The following UTS2 variants were observed in gnomAD, a reference collection of about 807,000 sequenced individuals.
UTS2 encodes the protein urotensin-2.
UTS2 carries 10 observed loss-of-function variants against 12.6 expected under a neutral mutation model. The observed-to-expected ratio is 0.80, with a 90% CI of 0.49 to 1.35. The LOEUF (loss-of-function observed/expected upper bound fraction) is 1.35, where lower values mean the gene tolerates loss of function less well. Among genes scored for constraint, UTS2 ranks in the 40% most tolerant of loss-of-function variants. The pLI is 0.00. For missense variants in UTS2, 142 were observed against 143.2 expected, an observed-to-expected ratio of 0.99 and a Z score of 0.04; for synonymous variants, 52 against 50.0, an observed-to-expected ratio of 1.04 and a Z score of -0.17.
At chr1:7,888,372 C>T in the UTS2 span, among the ~76,000 whole-genome samples, 1 of 152,174 alleles carries the variant, frequency 6.6e-6, no homozygotes, top group East Asian at 1.9e-4. Context: ...TCCCCACTCC[C>T]ACCCCACCCC....
chr1:7,892,473 T>G, the UTS2 span, among the ~76,000 whole-genome samples: 1 of 116,790 alleles, frequency 8.6e-6, no homozygotes, highest in Non-Finnish European at 1.7e-5. Context: ...ATGCATGTTT[T>G]TTTTTTTTTT....
At chr1:7,891,674 G>T in the UTS2 span, among the ~76,000 whole-genome samples, 1 of 149,474 alleles carries the variant, frequency 6.7e-6, no homozygotes, top group African/African-American at 2.4e-5. Flanking sequence ...ATGTTCATTA[G>T]TTTGCTTCAG....
the UTS2 span, among the ~76,000 whole-genome samples, chr1:7,864,827 T>C: frequency 1.6e-4 from 25 of 152,322 alleles, no homozygotes; most frequent in East Asian, 4.1e-3. Context: ...CTTTTGTCAG[T>C]TGATTTTCTG....
At chr1:7,893,276 G>A in the UTS2 span, among the ~76,000 whole-genome samples, 1 of 152,182 alleles carries the variant, frequency 6.6e-6, no homozygotes, top group African/African-American at 2.4e-5. Flanking sequence ...ACTTTGAGAG[G>A]TAGATCACTT....
chr1:7,906,739 G>T, the UTS2 span, among the ~76,000 whole-genome samples: 1 of 152,166 alleles, frequency 6.6e-6, no homozygotes, highest in Admixed American at 6.6e-5. Flanking sequence ...ATGGATGCCG[G>T]TACCAACCCA....
chr1:7,850,997 G>A (rs747886196), intron 1 of UTS2, 75 bp from the exon 2 acceptor site: 19 of 1,420,206 alleles, frequency 1.3e-5, no homozygotes, highest in Admixed American at 6.9e-5. Flanking sequence ...TGTCTTTGGC[G>A]AGCACCAGAG....
At chr1:7,849,969 A>AT (rs1253703352) in intron 2 of UTS2, among the ~76,000 whole-genome samples, 6 of 112,746 alleles carry the variant, frequency 5.3e-5, no homozygotes, top group South Asian at 6.7e-4. Flanking sequence ...AAAAGGCTCA[A>AT]ATTTTTTTTT....
At chr1:7,855,709 TTTA>T (rs1163139533), upstream of UTS2, among the ~76,000 whole-genome samples, 4 of 133,348 alleles carry the variant, frequency 3.0e-5, no homozygotes, top group Non-Finnish European at 4.9e-5. Flanking sequence ...TTATTATTAT[TTTA>T]TTATTTTGAG....
chr1:7,861,067 A>G, the UTS2 span, among the ~76,000 whole-genome samples: 1 of 145,266 alleles, frequency 6.9e-6, no homozygotes, highest in Non-Finnish European at 1.5e-5. Context: ...AAAAAGGCTC[A>G]CTCCAGCCTC....
the UTS2 span, among the ~76,000 whole-genome samples, chr1:7,903,462 C>G: frequency 6.6e-6 from 1 of 151,966 alleles, no homozygotes; most frequent in Non-Finnish European, 1.5e-5. Context: ...TCTCAGCTCA[C>G]TGCAACCTCC....
the UTS2 span, among the ~76,000 whole-genome samples, chr1:7,887,592 C>CAAAA: frequency 1.3e-3 from 81 of 62,362 alleles, no homozygotes; most frequent in African/African-American, 2.5e-3. Flanking sequence ...CCAGTCTCTA[C>CAAAA]AAAAAAAAAA....
intron 3 of UTS2, among the ~76,000 whole-genome samples, chr1:7,849,352 T>G (rs2097411480): frequency 6.6e-6 from 1 of 151,920 alleles, no homozygotes; most frequent in Non-Finnish European, 1.5e-5. Flanking sequence ...GTAGCTGGGA[T>G]TACAGGTGCC....
upstream of UTS2, among the ~76,000 whole-genome samples, chr1:7,857,123 G>GGAAGGAAGGAAA (rs1553334062): frequency 1.3e-5 from 2 of 151,106 alleles, no homozygotes; most frequent in African/African-American, 4.9e-5. Context: ...AAGGAAGGAA[G>GGAAGGAAGGAAA]GAAGGAAGGA....
At chr1:7,875,083 T>C in the UTS2 span, among the ~76,000 whole-genome samples, 1 of 151,992 alleles carries the variant, frequency 6.6e-6, no homozygotes, top group African/African-American at 2.4e-5. Context: ...CTTTTTCTTT[T>C]TCTTTTTTTA....
chr1:7,863,762 C>T, the UTS2 span, among the ~76,000 whole-genome samples: 1 of 152,154 alleles, frequency 6.6e-6, no homozygotes, highest in South Asian at 2.1e-4. Flanking sequence ...GTGTAAGAAC[C>T]CCCCATCCCC....
the UTS2 span, among the ~76,000 whole-genome samples, chr1:7,865,048 T>A: frequency 2.5e-5 from 1 of 40,620 alleles, no homozygotes; most frequent in African/African-American, 6.2e-5. Context: ...GTCTGTCCGA[T>A]ACCATCATCC....
At chr1:7,857,348 A>G (rs1470576359), upstream of UTS2, among the ~76,000 whole-genome samples, 2 of 152,260 alleles carry the variant, frequency 1.3e-5, no homozygotes, top group East Asian at 1.9e-4. Flanking sequence ...TTTGGCCTCA[A>G]TGCCCTAAAT....
chr1:7,848,494 T>C (rs931818199), intron 3 of UTS2, among the ~76,000 whole-genome samples: 3 of 142,304 alleles, frequency 2.1e-5, no homozygotes, highest in African/African-American at 7.6e-5. Flanking sequence ...CTTCTGTGTA[T>C]TGTATGTATT....
At chr1:7,850,104 G>A (rs1172181718) in intron 2 of UTS2, among the ~76,000 whole-genome samples, 1 of 151,754 alleles carries the variant, frequency 6.6e-6, no homozygotes. Context: ...CTAGTAGCTG[G>A]GATTACAGGT....
Sources: gnomAD v4.1 joint callset for allele counts (sites outside exome capture counted in the v4.1 genomes callset) on GRCh38, gnomAD v4.1.1 for gene constraint, MANE v1.5 for transcripts, NCBI Gene and HGNC (gene_info 2026-07-23, HGNC 2026-07-21) for gene names.